Variants in RBPMS observed in about 807,000 individuals in gnomAD.
RBPMS encodes the protein RNA-binding protein with multiple splicing.
RBPMS carries 7 observed loss-of-function variants against 26.8 expected under a neutral mutation model. That is an observed-to-expected ratio of 0.26 (90% confidence interval 0.15 to 0.49). The LOEUF (loss-of-function observed/expected upper bound fraction) is 0.49, where lower values mean the gene tolerates loss of function less well. Ranked by LOEUF, RBPMS falls within the 20% of genes least tolerant of loss-of-function variation. The pLI is 0.98. For synonymous variants in RBPMS, 96 were observed against 93.3 expected, an observed-to-expected ratio of 1.03 and a Z score of -0.17; for missense variants, 186 against 250.0, an observed-to-expected ratio of 0.74 and a Z score of 1.73.
rs368371249 is a variant in RBPMS, at chr8:30,385,050, C to T, written c.-43C>T. ...GGGCTAGCGCGCCCTCGCCCAGCCC[C>T]GCGCCCCAGCCCTGCCCGGCCCGGC... On this transcript the variant is annotated 5_prime_UTR_variant, in exon 1 of 9. Transcript: ENST00000397323. The T allele has an allele frequency of 3.1e-5, 46 of 1,460,768 alleles. No homozygotes were observed. The East Asian group carries it at 3.7e-4, about 12-fold the overall frequency. The allele number at this position is 1,460,768 out of a possible 1,614,324, so 90.5% of individuals were successfully genotyped here.
chr8:30,418,139 C>T (rs1013507350), intron 1 of RBPMS, among the ~76,000 whole-genome samples: 4 of 152,086 alleles, frequency 2.6e-5, no homozygotes, highest in Non-Finnish European at 5.9e-5. Flanking sequence ...AAGTGATGTG[C>T]GTTTAATTTT....
chr8:30,385,617 AAAGTT>A, intron 1 of RBPMS, among the ~76,000 whole-genome samples: 1 of 152,034 alleles, frequency 6.6e-6, no homozygotes, highest in African/African-American at 2.4e-5. Context: ...TTCCGTGTTA[AAAGTT>A]CTTGGTGAAA....
intron 4 of RBPMS, among the ~76,000 whole-genome samples, chr8:30,490,182 A>C (rs1363192381): frequency 6.6e-6 from 1 of 152,210 alleles, no homozygotes; most frequent in African/African-American, 2.4e-5. Flanking sequence ...ATTTCTAAAC[A>C]TTGACTTATA....
chr8:30,389,330 T>C (rs760684942), intron 1 of RBPMS, among the ~76,000 whole-genome samples: 1 of 152,230 alleles, frequency 6.6e-6, no homozygotes, highest in Non-Finnish European at 1.5e-5. Context: ...GCATCTGCAG[T>C]CTTCTTCATT....
At chr8:30,561,853 T>C (rs1827515383) in intron 7 of RBPMS, 2 of 985,278 alleles carry the variant, frequency 2.0e-6, no homozygotes, top group Non-Finnish European at 2.4e-6. Flanking sequence ...AAGACATCCA[T>C]TGTGAAGCAG....
chr8:30,554,337 C>T (rs1485298902), intron 6 of RBPMS, among the ~76,000 whole-genome samples: 1 of 152,206 alleles, frequency 6.6e-6, no homozygotes, highest in Non-Finnish European at 1.5e-5. Context: ...CAGCATTTCT[C>T]AACACCCACA....
intron 6 of RBPMS, among the ~76,000 whole-genome samples, chr8:30,548,704 G>A (rs1826055740): frequency 6.6e-6 from 1 of 152,310 alleles, no homozygotes; most frequent in South Asian, 2.1e-4. Context: ...ACCAGGAAGG[G>A]AGCTCACAGA....
At chr8:30,474,020 C>A (rs1053447546) in intron 1 of RBPMS, among the ~76,000 whole-genome samples, 1 of 152,078 alleles carries the variant, frequency 6.6e-6, no homozygotes, top group African/African-American at 2.4e-5. Context: ...ATCTGTGCAG[C>A]AAACCACCAT....
chr8:30,443,916 T>C (rs1349512761), intron 1 of RBPMS, among the ~76,000 whole-genome samples: 1 of 147,348 alleles, frequency 6.8e-6, no homozygotes, highest in African/African-American at 2.5e-5. Context: ...ATTGATTTAT[T>C]AATTCACTGA....
intron 1 of RBPMS, among the ~76,000 whole-genome samples, chr8:30,425,423 G>T (rs1811242254): frequency 6.6e-6 from 1 of 151,322 alleles, no homozygotes; most frequent in South Asian, 2.1e-4. Flanking sequence ...TTTTTGAAAT[G>T]GAGTTTCGCT....
intron 4 of RBPMS, among the ~76,000 whole-genome samples, chr8:30,485,182 A>G (rs1370399414): frequency 6.6e-6 from 1 of 152,198 alleles, no homozygotes; most frequent in Non-Finnish European, 1.5e-5. Flanking sequence ...CCTGTACCAC[A>G]GGTTTTCCTG....
At chr8:30,484,504 TAA>T (rs1818589265) in intron 4 of RBPMS, among the ~76,000 whole-genome samples, 1 of 152,296 alleles carries the variant, frequency 6.6e-6, no homozygotes, top group Admixed American at 6.5e-5. Context: ...GATTTTAGAA[TAA>T]AGAGTTGAAA....
At chr8:30,413,186 C>T (rs1320524457) in intron 1 of RBPMS, among the ~76,000 whole-genome samples, 1 of 152,156 alleles carries the variant, frequency 6.6e-6, no homozygotes, top group Non-Finnish European at 1.5e-5. Flanking sequence ...TCAAGTGATT[C>T]TCCTGCCTCA....
intron 4 of RBPMS, among the ~76,000 whole-genome samples, chr8:30,503,162 C>G (rs1029797225): frequency 2.0e-5 from 3 of 152,146 alleles, no homozygotes; most frequent in Non-Finnish European, 2.9e-5. Flanking sequence ...TACCATCCAG[C>G]CACAGGCTCT....
intron 5 of RBPMS, among the ~76,000 whole-genome samples, chr8:30,523,361 A>G (rs1485837544): frequency 1.3e-5 from 2 of 150,166 alleles, no homozygotes; most frequent in Non-Finnish European, 3.0e-5. Context: ...TGGGCAAGAG[A>G]GTGAAACTGT....
At chr8:30,493,589 C>CATCT (rs1819625368) in intron 4 of RBPMS, among the ~76,000 whole-genome samples, 1 of 151,978 alleles carries the variant, frequency 6.6e-6, no homozygotes, top group South Asian at 2.1e-4. Flanking sequence ...AAGAGAGTAC[C>CATCT]ATCTGCACTC....
intron 8 of RBPMS, among the ~76,000 whole-genome samples, chr8:30,569,708 T>C (rs1222484304): frequency 7.0e-6 from 1 of 143,860 alleles, no homozygotes; most frequent in Non-Finnish European, 1.5e-5. Context: ...AAGATGGTGA[T>C]GGTGGAGTGG....
rs535417286 is a variant in RBPMS, at chr8:30,487,697, TAATA to T, written c.246+8325_246+8328del. Among the ~76,000 whole-genome samples the T allele has an allele frequency of 3.4e-3, 515 of 152,168 alleles. 6 individuals carry two copies. The highest frequency in any genetic ancestry group is 0.012 in the African/African-American group (490 of 41,574). On this transcript the variant is annotated intron_variant, in intron 4 of 8. Coordinates refer to ENST00000397323, the MANE Select transcript of RBPMS (RefSeq NM_001008710.3). ...TGTGAAAAATTATATATGTAATACA[TAATA>T]AATATGAGACTAGGAGGAATAAATG...
At chr8:30,442,010 G>A (rs1396911744) in intron 1 of RBPMS, among the ~76,000 whole-genome samples, 4 of 151,766 alleles carry the variant, frequency 2.6e-5, no homozygotes, top group Admixed American at 6.6e-5. Context: ...GGATGGTCTC[G>A]ATCTCCTGAC....
Sources: gnomAD v4.1 joint callset for allele counts (sites outside exome capture counted in the v4.1 genomes callset) on GRCh38, gnomAD v4.1.1 for gene constraint, MANE v1.5 for transcripts, NCBI Gene and HGNC (gene_info 2026-07-23, HGNC 2026-07-21) for gene names.